Variants in LAMA2 observed in about 807,000 individuals in gnomAD.
LAMA2 encodes laminin subunit alpha 2.
A neutral mutation model predicts 364.8 loss-of-function variants in LAMA2; 269 were observed. The ratio of observed to expected loss-of-function variants is 0.74; its 90% CI spans 0.67 to 0.82. The LOEUF (loss-of-function observed/expected upper bound fraction) is 0.82, where lower values mean the gene tolerates loss of function less well. Among genes scored for constraint, LAMA2 ranks in the 40% least tolerant of loss-of-function variants. The pLI, the probability that LAMA2 is intolerant of heterozygous loss-of-function variation, is 0.00. For synonymous variants in LAMA2, 1,379 were observed against 1,370.6 expected, an observed-to-expected ratio of 1.01 and a Z score of -0.14; for missense variants, 3,807 against 3,873.2, an observed-to-expected ratio of 0.98 and a Z score of 0.45.
At chr6:128,997,324 G>T (rs758047821) in intron 1 of LAMA2, among the ~76,000 whole-genome samples, 71 of 127,932 alleles carry the variant, frequency 5.5e-4, no homozygotes, top group Non-Finnish European at 9.2e-4. Context: ...CAAAGAGAGA[G>T]AGAGAAAGAA....
At chr6:128,974,201 A>C (rs1782377716) in intron 1 of LAMA2, among the ~76,000 whole-genome samples, 1 of 152,208 alleles carries the variant, frequency 6.6e-6, no homozygotes, top group Non-Finnish European at 1.5e-5. Context: ...TGCTTTATTA[A>C]GCACAGGCTT....
chr6:129,351,025 T>G (rs2058728949), intron 31 of LAMA2, among the ~76,000 whole-genome samples: 1 of 152,184 alleles, frequency 6.6e-6, no homozygotes, highest in Admixed American at 6.5e-5. Flanking sequence ...ATACATCTTT[T>G]GGATATAGAT....
At chr6:129,166,076 G>C (rs1240529510) in intron 9 of LAMA2, among the ~76,000 whole-genome samples, 4 of 152,116 alleles carry the variant, frequency 2.6e-5, no homozygotes, top group African/African-American at 9.7e-5. Context: ...GTGCTGTAGT[G>C]GGAAAAGCAA....
At chr6:129,026,908 T>C (rs985037239) in intron 1 of LAMA2, among the ~76,000 whole-genome samples, 8 of 152,232 alleles carry the variant, frequency 5.3e-5, no homozygotes, top group African/African-American at 1.9e-4. Context: ...CATTGGTGTT[T>C]TGACAGCCAT....
At chr6:128,997,966 G>C (rs1266868506) in intron 1 of LAMA2, among the ~76,000 whole-genome samples, 1 of 152,050 alleles carries the variant, frequency 6.6e-6, no homozygotes, top group Non-Finnish European at 1.5e-5. Context: ...GAAGGAGAGA[G>C]TGAAATCAAG....
intron 29 of LAMA2, among the ~76,000 whole-genome samples, chr6:129,333,172 A>C (rs929103367): frequency 2.0e-5 from 3 of 152,146 alleles, no homozygotes; most frequent in Non-Finnish European, 2.9e-5. Flanking sequence ...GATTACAGGC[A>C]TGAACCACCA....
In LAMA2 at chr6:129,038,405, G is replaced by A. The variant is rs114647762; in HGVS notation, c.113-11513G>A. Among the ~76,000 whole-genome samples the A allele has an allele frequency of 5.7e-3, 868 of 152,242 alleles. 7 individuals are homozygous for A. Among genetic ancestry groups the A allele is most frequent in the African/African-American group, 0.02 (830 of 41,560 alleles). Reference sequence around the variant, plus strand: ...TATCCATCTTCCTTCTTGATCATGAGCAACAGGAACCACCAATACTATTTT... The same window carrying A: ...TATCCATCTTCCTTCTTGATCATGAACAACAGGAACCACCAATACTATTTT... On this transcript the variant is annotated intron_variant, in intron 1 of 64. Coordinates refer to ENST00000421865, the MANE Select transcript of LAMA2 (RefSeq NM_000426.4).
intron 22 of LAMA2, among the ~76,000 whole-genome samples, chr6:129,301,997 A>ATTGC (rs1391742770): frequency 6.6e-6 from 1 of 152,134 alleles, no homozygotes; most frequent in African/African-American, 2.4e-5. Context: ...TGTTCTAAAA[A>ATTGC]TTGCTTAATA....
intron 38 of LAMA2, among the ~76,000 whole-genome samples, chr6:129,401,709 T>C (rs770621229): frequency 2.0e-5 from 3 of 152,240 alleles, no homozygotes; most frequent in Non-Finnish European, 4.4e-5. Flanking sequence ...TCTAATGCAT[T>C]ACATAGAGTG....
At chr6:129,201,959 G>T (rs1211859099) in intron 12 of LAMA2, among the ~76,000 whole-genome samples, 1 of 152,088 alleles carries the variant, frequency 6.6e-6, no homozygotes, top group Non-Finnish European at 1.5e-5. Context: ...GGAGGCCAAG[G>T]CAGGTGGATC....
At position 129,513,990 on chromosome 6, in the gene LAMA2, T is replaced by G. The variant is rs528194178; in HGVS notation, c.8989-383T>G. Among the ~76,000 whole-genome samples, 16 of 152,334 alleles carry G rather than the reference T, an allele frequency of 1.1e-4. No homozygotes were observed. In the East Asian group the frequency reaches 2.7e-3, roughly 26 times the overall value. On this transcript the variant is annotated intron_variant, in intron 63 of 64. Transcript: ENST00000421865. ...AATGAGTCACTTTAAACAATATCTT[T>G]TAAGAAAATTTTATAAGGTTCAGTC... is the stretch of plus-strand genomic sequence containing the variant.
intron 7 of LAMA2, among the ~76,000 whole-genome samples, chr6:129,150,639 G>C (rs893104505): frequency 1.3e-5 from 2 of 152,222 alleles, no homozygotes; most frequent in African/African-American, 2.4e-5. Context: ...TTTTAAAATA[G>C]TGGAATTGTG....
intron 1 of LAMA2, among the ~76,000 whole-genome samples, chr6:128,890,542 T>TACACACACACAC (rs56972149): frequency 0.017 from 2,502 of 147,398 alleles, 58 homozygotes; most frequent in African/African-American, 0.057. Context: ...TTCATTTAAA[T>TACACACACACAC]ACACACACAC....
intron 1 of LAMA2, among the ~76,000 whole-genome samples, chr6:128,884,025 A>T (rs1374661107): frequency 1.3e-5 from 2 of 152,110 alleles, no homozygotes; most frequent in African/African-American, 2.4e-5. Flanking sequence ...TTGCTTAAAT[A>T]CAGAGGAGAC....
At chr6:129,199,759 G>A (rs1330841939) in intron 12 of LAMA2, among the ~76,000 whole-genome samples, 3 of 152,024 alleles carry the variant, frequency 2.0e-5, no homozygotes, top group African/African-American at 7.2e-5. Context: ...AATTTGTAGG[G>A]AAAAGCCAAT....
intron 41 of LAMA2, among the ~76,000 whole-genome samples, chr6:129,430,365 T>G (rs1446510047): frequency 6.6e-6 from 1 of 152,202 alleles, no homozygotes; most frequent in Non-Finnish European, 1.5e-5. Context: ...GTTTGTGAGC[T>G]TCAGTCATGA....
At position 129,373,743 on chromosome 6, in the gene LAMA2, G is replaced by A. The variant is rs116592069; in HGVS notation, c.4959+3753G>A. 8.6e-3 allele frequency among the ~76,000 whole-genome samples: 1,315 copies of A among 152,200 alleles called. 32 individuals carry two copies. The highest frequency in any genetic ancestry group is 0.03 in the African/African-American group (1,262 of 41,514). The stretch of plus-strand genomic sequence containing the variant: ...GTAAGCTGTCCCTCAATTGGGGTTT[G>A]CCTCATATCTTTCTCATGATTAGAA... On this transcript the variant is annotated intron_variant, in intron 34 of 64. Transcript: ENST00000421865.
chr6:129,436,628 A>G (rs1250880772), intron 41 of LAMA2, among the ~76,000 whole-genome samples: 1 of 152,160 alleles, frequency 6.6e-6, no homozygotes, highest in Non-Finnish European at 1.5e-5. Context: ...TAAAATTCTA[A>G]TAAACTTATT....
At chr6:129,410,388 G>A (rs1296710641) in intron 40 of LAMA2, among the ~76,000 whole-genome samples, 1 of 150,554 alleles carries the variant, frequency 6.6e-6, no homozygotes, top group African/African-American at 2.4e-5. Context: ...TCTTTCTTCT[G>A]TTCCTCTTCT....
Sources: gnomAD v4.1 joint callset for allele counts (sites outside exome capture counted in the v4.1 genomes callset) on GRCh38, gnomAD v4.1.1 for gene constraint, MANE v1.5 for transcripts, NCBI Gene and HGNC (gene_info 2026-07-23, HGNC 2026-07-21) for gene names.